PHLPP2: variants seen among roughly 807,000 people sequenced by gnomAD.
PHLPP2 encodes the protein PH domain and leucine rich repeat protein phosphatase 2.
Under a neutral mutation model 124.9 loss-of-function variants are expected in PHLPP2, and 66 were observed. The observed-to-expected ratio is 0.53, with a 90% confidence interval of 0.43 to 0.65. The LOEUF is 0.65. PHLPP2 is among the 30% of genes least tolerant of loss of function. The pLI is 0.00. For synonymous variants in PHLPP2, 681 were observed against 624.7 expected (o/e 1.09, Z -1.34); for missense variants, 1,685 against 1,600.4 (o/e 1.05, Z -0.90).
chr16:71,702,569 A>C, intron 3 of PHLPP2, 29 bp downstream of exon 3: 2 of 1,587,940 alleles, frequency 1.3e-6, no homozygotes, highest in South Asian at 2.3e-5. Flanking sequence ...AAAAGTAGTT[A>C]ACATACAAAG....
chr16:71,665,302 G>C (rs1328822500), intron 12 of PHLPP2, among the ~76,000 whole-genome samples: 1 of 152,066 alleles, frequency 6.6e-6, no homozygotes, highest in African/African-American at 2.4e-5. Flanking sequence ...CAGCTAGACT[G>C]CATTTCAAAA....
chr16:71,696,979 T>G (rs1356509859), intron 3 of PHLPP2, among the ~76,000 whole-genome samples: 1 of 151,912 alleles, frequency 6.6e-6, no homozygotes, highest in Non-Finnish European at 1.5e-5. Context: ...ATTCGAGACC[T>G]GGCCAACATG....
chr16:71,656,038 T>C (rs2044739573), intron 16 of PHLPP2, among the ~76,000 whole-genome samples: 1 of 152,170 alleles, frequency 6.6e-6, no homozygotes, highest in Admixed American at 6.5e-5. Flanking sequence ...TCAAGGCCTA[T>C]CAGTCAAAGA....
intron 2 of PHLPP2, among the ~76,000 whole-genome samples, chr16:71,703,235 T>C (rs1055683734): frequency 3.3e-5 from 5 of 152,256 alleles, no homozygotes; most frequent in Admixed American, 1.3e-4. Flanking sequence ...AAGTGTTTTT[T>C]TAACTTTTTG....
At chr16:71,666,609 T>C (rs1357845638) in intron 12 of PHLPP2, among the ~76,000 whole-genome samples, 1 of 152,206 alleles carries the variant, frequency 6.6e-6, no homozygotes, top group African/African-American at 2.4e-5. Context: ...TAGGTAAACC[T>C]GATTACAGGC....
chr16:71,693,052 A>C (rs1333368832), intron 3 of PHLPP2, among the ~76,000 whole-genome samples: 1 of 152,140 alleles, frequency 6.6e-6, no homozygotes, highest in Admixed American at 6.5e-5. Flanking sequence ...GCACTTTGGG[A>C]GGCTGAGGCG....
rs779444083 is a variant in PHLPP2 at position 71,667,339 on chromosome 16, G to C, written c.1629-6C>G. ...GACTCAAGCTACTCAGAATTCTAAG[G>C]GGGGAGCATACAAACAAACACATTA... On this transcript the variant is annotated splice_polypyrimidine_tract_variant and splice_region_variant and intron_variant, in intron 11 of 18. Coordinates refer to ENST00000568954, the MANE Select transcript of PHLPP2 (RefSeq NM_015020.3). 2.5e-6 allele frequency: 4 copies of C among 1,609,100 alleles called. No homozygotes were observed. The highest frequency in any genetic ancestry group is 3.3e-5 in the Admixed American group (2 of 59,704).
chr16:71,690,714 A>G lies in PHLPP2; in HGVS notation c.419-5T>C. 1 of 1,596,538 alleles carries G rather than the reference A, an allele frequency of 6.3e-7. No individual in the cohort carries two copies. Among genetic ancestry groups the G allele is most frequent in the Non-Finnish European group, 8.6e-7 (1 of 1,166,606 alleles). ...GATCCATGTGGCATGGTTTTTCTGAAAAGGAAATAATACTTCAGAATCCAC... is the reference window on the plus strand; with the variant it reads ...GATCCATGTGGCATGGTTTTTCTGAGAAGGAAATAATACTTCAGAATCCAC... On this transcript the variant is annotated splice_polypyrimidine_tract_variant and splice_region_variant and intron_variant, in intron 3 of 18. Coordinates refer to ENST00000568954, the MANE Select transcript of PHLPP2 (RefSeq NM_015020.3).
chr16:71,673,495 T>C (rs11648483), intron 9 of PHLPP2, among the ~76,000 whole-genome samples: 39,551 of 152,002 alleles, frequency 0.26, 5,352 homozygotes, highest in Non-Finnish European at 0.3. Context: ...GTTCTTGACT[T>C]TGAGGCATCA....
Position 71,681,903 on chromosome 16 carries a change from C to T in PHLPP2, c.738G>A (p.Val246=). ...CCACGGTACTGATTCGCTGGGACACCACCTGAATAATGTCAAAGAGAAGAG... is the reference window on the plus strand; with the variant it reads ...CCACGGTACTGATTCGCTGGGACACTACCTGAATAATGTCAAAGAGAAGAG... The part of the protein sequence containing the change: ...YQRWQRQASK[V]VSQRISTVDL... The change falls in exon 6 of 19, where the codon GTG becomes GTA. Residue 246 remains valine, a splice_region_variant and synonymous_variant. Transcript: ENST00000568954. The T allele has an allele frequency of 6.2e-7, 1 of 1,600,214 alleles. No homozygotes were observed. Among genetic ancestry groups the T allele is most frequent in the Non-Finnish European group, 8.5e-7 (1 of 1,172,882 alleles).
intron 3 of PHLPP2, 129 bp from the exon 4 acceptor site, chr16:71,690,838 T>C (rs979508116): frequency 1.5e-6 from 1 of 656,850 alleles, no homozygotes; most frequent in African/African-American, 1.8e-5. Context: ...AGCAATATAG[T>C]TAAGACAAAA....
At chr16:71,651,082 G>A (rs2044692514) in intron 18 of PHLPP2, among the ~76,000 whole-genome samples, 1 of 152,214 alleles carries the variant, frequency 6.6e-6, no homozygotes, top group Non-Finnish European at 1.5e-5. Context: ...GCTCACGCCT[G>A]TAATCCTAGC....
intron 2 of PHLPP2, among the ~76,000 whole-genome samples, chr16:71,709,123 G>T (rs2045306390): frequency 6.6e-6 from 1 of 151,982 alleles, no homozygotes; most frequent in African/African-American, 2.4e-5. Context: ...TTCCAATTTT[G>T]TAACATATAA....
At chr16:71,680,892 T>C (rs2044991064) in intron 6 of PHLPP2, among the ~76,000 whole-genome samples, 1 of 152,226 alleles carries the variant, frequency 6.6e-6, no homozygotes, top group South Asian at 2.1e-4. Context: ...TATTGCTTGT[T>C]TTCATTTTTA....
intron 16 of PHLPP2, among the ~76,000 whole-genome samples, 161 bp downstream of exon 16, chr16:71,656,410 C>T (rs182732320): frequency 4.8e-4 from 73 of 152,290 alleles, no homozygotes; most frequent in African/African-American, 1.6e-3. Flanking sequence ...TGTCTTAAAA[C>T]GTTATCATGA....
chr16:71,649,325 C>T lies in PHLPP2; in HGVS notation c.3537G>A (p.Leu1179=), dbSNP rs781476824. 1.7e-5 allele frequency: 28 copies of T among 1,613,706 alleles called. No individual in the cohort carries two copies. The highest frequency in any genetic ancestry group is 5.3e-5 in the African/African-American group (4 of 75,026). Residue 1179 remains leucine, a synonymous_variant, in exon 19 of 19, where the codon CTG becomes CTA. Coordinates refer to ENST00000568954, the MANE Select transcript of PHLPP2 (RefSeq NM_015020.3). The stretch of plus-strand genomic sequence containing the variant: ...TCTCTATGAGAGGGGGTGAGTTCTC[C>T]AGATCCCTCCCCCTGCAGCAGTGGA... ...VDIHCCRGRD[L]ENSPPLIESS...
At chr16:71,708,772 T>G (rs2045303409) in intron 2 of PHLPP2, among the ~76,000 whole-genome samples, 1 of 152,000 alleles carries the variant, frequency 6.6e-6, no homozygotes, top group African/African-American at 2.4e-5. Flanking sequence ...GGCAACAGAA[T>G]GAGACTCCAT....
chr16:71,661,063 T>C (rs1441584673), intron 13 of PHLPP2, among the ~76,000 whole-genome samples: 1 of 143,518 alleles, frequency 7.0e-6, no homozygotes, highest in Admixed American at 7.6e-5. Flanking sequence ...ATTCTTGTCT[T>C]TGTCTTTTTT....
In PHLPP2 at chr16:71,685,584, T is replaced by G. The variant is rs1374860493; in HGVS notation, c.610-983A>C. 2.0e-5 allele frequency among the ~76,000 whole-genome samples: 3 copies of G among 152,214 alleles called. No individual in the cohort carries two copies. The East Asian group carries it at 5.8e-4, about 29-fold the overall frequency. ...AAAGATTCATTAAAATTAAATAATTTTCACAATATTAAATTGTGATACAAC... is the reference window on the plus strand; with the variant it reads ...AAAGATTCATTAAAATTAAATAATTGTCACAATATTAAATTGTGATACAAC... On this transcript the variant is annotated intron_variant, in intron 4 of 18. Transcript: ENST00000568954.
Sources: allele counts gnomAD v4.1 joint callset (sites outside exome capture counted in the v4.1 genomes callset), GRCh38; gene constraint gnomAD v4.1.1; transcripts MANE v1.5; gene names NCBI Gene and HGNC (gene_info 2026-07-23, HGNC 2026-07-21).